GPC5: variants seen among roughly 807,000 people sequenced by gnomAD.
The protein encoded by GPC5 is glypican 5.
Under a neutral mutation model 53.9 loss-of-function variants are expected in GPC5, and 47 were observed. The observed-to-expected ratio is 0.87, with a 90% CI of 0.69 to 1.11. The LOEUF (loss-of-function observed/expected upper bound fraction) is 1.11, where lower values mean the gene tolerates loss of function less well. Ranked by LOEUF, GPC5 falls within the 50% of genes most tolerant of loss-of-function variation. The pLI, the probability that GPC5 is intolerant of heterozygous loss-of-function variation, is 0.00. For missense variants in GPC5, 748 were observed against 713.1 expected (o/e 1.05, Z -0.56); for synonymous variants, 286 against 263.3 (o/e 1.09, Z -0.84).
chr13:92,810,474 G>A (rs968865927), intron 7 of GPC5, among the ~76,000 whole-genome samples: 4 of 151,704 alleles, frequency 2.6e-5, no homozygotes, highest in South Asian at 2.1e-4. Context: ...GTATCATTTC[G>A]AGTGTACAAT....
At chr13:92,231,606 A>G (rs986106286) in intron 7 of GPC5, among the ~76,000 whole-genome samples, 4 of 146,206 alleles carry the variant, frequency 2.7e-5, no homozygotes, top group Admixed American at 6.7e-5. Context: ...ATACAGATCC[A>G]GATATACATA....
chr13:91,662,756 C>T lies in GPC5; in HGVS notation c.326-30431C>T, dbSNP rs975407486. 7.9e-5 allele frequency among the ~76,000 whole-genome samples: 12 copies of T among 152,190 alleles called. No homozygotes were observed. In the East Asian group the frequency reaches 9.6e-4, roughly 12 times the overall value. ...GCTCATTATTACCATATTACCATCT[C>T]ACTACTCCCATAGTATCTTCCTGCT... On this transcript the variant is annotated intron_variant, in intron 2 of 7. Transcript: ENST00000377067.
At position 91,531,830 on chromosome 13, in the gene GPC5, C is replaced by T. The variant is rs373853105; in HGVS notation, c.325+82908C>T. 5.3e-5 allele frequency among the ~76,000 whole-genome samples: 8 copies of T among 152,282 alleles called. No homozygotes were observed. In the East Asian group the frequency reaches 1.5e-3, roughly 29 times the overall value. On this transcript the variant is annotated intron_variant, in intron 2 of 7. Coordinates refer to ENST00000377067, the MANE Select transcript of GPC5 (RefSeq NM_004466.6). The stretch of plus-strand genomic sequence containing the variant: ...TTCAGTTTCACTGTATTTTGTCATT[C>T]AACTTGATGTTTTCTTGTGCTTCCA...
intron 7 of GPC5, among the ~76,000 whole-genome samples, chr13:92,146,205 C>A (rs769237018): frequency 7.9e-5 from 12 of 152,012 alleles, no homozygotes; most frequent in Non-Finnish European, 1.6e-4. Flanking sequence ...TTACAGAATG[C>A]GATAAAGATG....
chr13:92,040,829 T>G (rs2040936059), intron 6 of GPC5, among the ~76,000 whole-genome samples: 2 of 152,180 alleles, frequency 1.3e-5, no homozygotes, highest in South Asian at 4.1e-4. Context: ...GTGAGCACAA[T>G]TATGCTGCAG....
intron 7 of GPC5, among the ~76,000 whole-genome samples, chr13:92,265,043 T>C (rs1017790409): frequency 1.3e-5 from 2 of 151,926 alleles, no homozygotes. Context: ...AACTTTGCCC[T>C]CAAGAGCCTA....
intron 3 of GPC5, among the ~76,000 whole-genome samples, chr13:91,727,149 C>T (rs557282636): frequency 3.3e-5 from 5 of 152,246 alleles, no homozygotes; most frequent in Non-Finnish European, 7.4e-5. Context: ...GTACATGAGG[C>T]CATGCCTTAT....
intron 2 of GPC5, among the ~76,000 whole-genome samples, chr13:91,474,953 C>T (rs1250335630): frequency 6.6e-6 from 1 of 151,968 alleles, no homozygotes; most frequent in Non-Finnish European, 1.5e-5. Context: ...TGGTTAATGT[C>T]CTTAATTTGT....
chr13:91,616,272 T>C (rs2033693198), intron 2 of GPC5, among the ~76,000 whole-genome samples: 1 of 152,070 alleles, frequency 6.6e-6, no homozygotes, highest in African/African-American at 2.4e-5. Context: ...AAGAAACAGA[T>C]CTCTTATGAA....
chr13:92,232,524 C>A (rs1836450960), intron 7 of GPC5, among the ~76,000 whole-genome samples: 1 of 152,128 alleles, frequency 6.6e-6, no homozygotes, highest in Non-Finnish European at 1.5e-5. Context: ...TCTGTTACCA[C>A]TTACTAATGG....
chr13:91,532,103 A>G (rs1003898939), intron 2 of GPC5, among the ~76,000 whole-genome samples: 2 of 152,250 alleles, frequency 1.3e-5, no homozygotes, highest in African/African-American at 4.8e-5. Context: ...TGGAAAAAAA[A>G]TGAAAAAAAG....
chr13:92,472,007 A>T (rs1878932051), intron 7 of GPC5, among the ~76,000 whole-genome samples: 1 of 152,074 alleles, frequency 6.6e-6, no homozygotes, highest in African/African-American at 2.4e-5. Flanking sequence ...GGTAATTTGG[A>T]CCCTCTTAAC....
In GPC5 at chr13:92,468,057, T is replaced by G. The variant is rs567566575; in HGVS notation, c.1561+323068T>G. Among the ~76,000 whole-genome samples the G allele has an allele frequency of 3.6e-4, 55 of 152,236 alleles. 1 individual carries two copies. The highest frequency in any genetic ancestry group is 8.3e-4 in the South Asian group (4 of 4,832). On this transcript the variant is annotated intron_variant, in intron 7 of 7. Transcript: ENST00000377067. ...CCCACCTTTTTTTTCTGAATATTCC[T>G]TAATATAAAATGGGTCTAAGTGTTT... is the stretch of plus-strand genomic sequence containing the variant.
chr13:91,697,518 T>A (rs1413233615), intron 3 of GPC5, among the ~76,000 whole-genome samples: 3 of 141,818 alleles, frequency 2.1e-5, no homozygotes, highest in Non-Finnish European at 4.7e-5. Flanking sequence ...TTTTAAATAA[T>A]CATTTAATTA....
At chr13:92,251,053 T>G (rs761104933) in intron 7 of GPC5, among the ~76,000 whole-genome samples, 5 of 152,128 alleles carry the variant, frequency 3.3e-5, no homozygotes, top group Non-Finnish European at 5.9e-5. Flanking sequence ...ATTTTCTTTG[T>G]TATTCATGTA....
At chr13:91,636,095 T>TG (rs548813779) in intron 2 of GPC5, among the ~76,000 whole-genome samples, 65 of 152,124 alleles carry the variant, frequency 4.3e-4, no homozygotes, top group Non-Finnish European at 8.7e-4. Flanking sequence ...TCTTAGTATT[T>TG]GGGATTTTCA....
At chr13:91,425,290 G>T (rs1878960894) in intron 1 of GPC5, among the ~76,000 whole-genome samples, 1 of 152,098 alleles carries the variant, frequency 6.6e-6, no homozygotes, top group Non-Finnish European at 1.5e-5. Flanking sequence ...TTCACAGGTG[G>T]TCTCCTATTT....
intron 5 of GPC5, among the ~76,000 whole-genome samples, chr13:91,800,043 C>A (rs1169853586): frequency 2.0e-5 from 3 of 151,912 alleles, no homozygotes; most frequent in Non-Finnish European, 2.9e-5. Context: ...TAATTAAGAT[C>A]CTTCCACAAT....
chr13:92,745,408 T>G (rs927430726), intron 7 of GPC5, among the ~76,000 whole-genome samples: 5 of 152,126 alleles, frequency 3.3e-5, no homozygotes, highest in African/African-American at 1.2e-4. Context: ...TCCATTCCTA[T>G]GGAATCACTG....
Sources: allele counts gnomAD v4.1 joint callset (sites outside exome capture counted in the v4.1 genomes callset), GRCh38; gene constraint gnomAD v4.1.1; transcripts MANE v1.5; gene names NCBI Gene and HGNC (gene_info 2026-07-23, HGNC 2026-07-21).